The following ABCB4 variants were observed in gnomAD, a reference collection of about 807,000 sequenced individuals.
ABCB4 encodes phosphatidylcholine translocator ABCB4.
In ABCB4, 76 loss-of-function variants were observed where a neutral mutation model predicts 145.7. The ratio of observed to expected loss-of-function variants is 0.52; its 90% confidence interval spans 0.43 to 0.63. The LOEUF is 0.63. Among genes scored for constraint, ABCB4 ranks in the 30% least tolerant of loss-of-function variants. ABCB4 has a pLI of 0.00. For missense variants in ABCB4, 1,234 were observed against 1,553.1 expected, an observed-to-expected ratio of 0.79 and a Z score of 3.45; for synonymous variants, 517 against 566.8, an observed-to-expected ratio of 0.91 and a Z score of 1.25.
chr7:87,430,428 G>A (rs1167447034), intron 15 of ABCB4, among the ~76,000 whole-genome samples: 1 of 152,150 alleles, frequency 6.6e-6, no homozygotes, highest in Non-Finnish European at 1.5e-5. Context: ...CTGCAATGTT[G>A]CTCAAGTGAC....
intron 19 of ABCB4, 129 bp downstream of exon 19, chr7:87,419,869 T>G: frequency 1.0e-6 from 1 of 965,204 alleles, no homozygotes; most frequent in Non-Finnish European, 1.7e-6. Context: ...TTTGCAGGAC[T>G]CTGCCCCATC....
chr7:87,443,555 C>T, intron 11 of ABCB4, 108 bp downstream of exon 11: 1 of 1,542,008 alleles, frequency 6.5e-7, no homozygotes, highest in African/African-American at 1.4e-5. Context: ...GGAATATAAC[C>T]CCCAAAGGAA....
chr7:87,388,993 A>G, the ABCB4 span, among the ~76,000 whole-genome samples: 1 of 152,250 alleles, frequency 6.6e-6, no homozygotes, highest in African/African-American at 2.4e-5. Flanking sequence ...AAAAGAAGAC[A>G]TTTATGTGGC....
At chr7:87,399,957 A>G (rs1371921142), downstream of ABCB4, among the ~76,000 whole-genome samples, 2 of 152,174 alleles carry the variant, frequency 1.3e-5, no homozygotes, top group South Asian at 4.1e-4. Context: ...TTGTACAGCT[A>G]TAATCATCAG....
chr7:87,443,261 C>T, intron 12 of ABCB4, 58 bp downstream of exon 12: 1 of 1,611,796 alleles, frequency 6.2e-7, no homozygotes, highest in Non-Finnish European at 8.5e-7. Context: ...AAACCAATTT[C>T]AAAGGGCCAA....
the ABCB4 span, among the ~76,000 whole-genome samples, chr7:87,388,753 A>G: frequency 6.6e-6 from 1 of 152,226 alleles, no homozygotes; most frequent in African/African-American, 2.4e-5. Flanking sequence ...AATCAATGGC[A>G]ACAAAAGCCA....
At chr7:87,446,291 TAAA>T (rs1343279333) in intron 9 of ABCB4, among the ~76,000 whole-genome samples, 2 of 152,200 alleles carry the variant, frequency 1.3e-5, no homozygotes, top group Non-Finnish European at 2.9e-5. Flanking sequence ...GATTTCTATT[TAAA>T]TAGTTACATA....
rs758428251 is a variant in ABCB4 at position 87,411,922 on chromosome 7, A to C, written c.2895T>G (p.Asn965Lys). Residue 965 changes from asparagine to lysine, a missense_variant, in exon 23 of 28, where the codon AAT becomes AAG. Physicochemically the swap from Asn to Lys is moderately conservative, Grantham distance 94. Coordinates refer to ENST00000649586, the MANE Select transcript of ABCB4 (RefSeq NM_000443.4). ...CFRFGAYLIV[N>K]GHMRFRDVIL... ...TAACATCTCTGAAGCGCATATGTCCATTCACAATGAGATATGCACCAAATC... is the reference window on the plus strand; with the variant it reads ...TAACATCTCTGAAGCGCATATGTCCCTTCACAATGAGATATGCACCAAATC... The C allele has an allele frequency of 6.2e-7, 1 of 1,613,776 alleles. No homozygotes were observed. Among genetic ancestry groups the C allele is most frequent in the South Asian group, 1.1e-5 (1 of 91,076 alleles).
chr7:87,462,776 C>G lies in ABCB4; in HGVS notation c.268G>C (p.Gly90Arg). The G allele has an allele frequency of 6.2e-7, 1 of 1,613,886 alleles. No homozygotes were observed. The highest frequency in any genetic ancestry group is 8.5e-7 in the Non-Finnish European group (1 of 1,179,918). The change falls in exon 4 of 28, where the codon GGA becomes CGA. Residue 90 changes from glycine to arginine, a missense_variant. By Grantham distance (125) the Gly-to-Arg change is moderately radical. Coordinates refer to ENST00000649586, the MANE Select transcript of ABCB4 (RefSeq NM_000443.4). ...TGCTTACCTGGAAAGGAGAAGTTTCCTGCAGTATCAACAAATTTGTCAGTC... is the reference window on the plus strand; with the variant it reads ...TGCTTACCTGGAAAGGAGAAGTTTCGTGCAGTATCAACAAATTTGTCAGTC... ...EMTDKFVDTA[G>R]NFSFPVNFSL... is the part of the protein sequence containing the mutation.
intron 3 of ABCB4, among the ~76,000 whole-genome samples, chr7:87,464,895 C>T (rs537769636): frequency 2.2e-4 from 34 of 152,250 alleles, no homozygotes; most frequent in African/African-American, 7.5e-4. Flanking sequence ...CTTTCAGAGG[C>T]GGTTCCAAGA....
At chr7:87,391,569 CTTTTAA>C in the ABCB4 span, 4 of 1,582,608 alleles carry the variant, frequency 2.5e-6, no homozygotes, top group Non-Finnish European at 3.4e-6. Flanking sequence ...ATGATACACT[CTTTTAA>C]TTTTTTCTTG....
chr7:87,392,292 G>A, the ABCB4 span, among the ~76,000 whole-genome samples: 3 of 151,966 alleles, frequency 2.0e-5, no homozygotes, highest in South Asian at 2.1e-4. Flanking sequence ...TTGAAATATC[G>A]GTTGCTTTTA....
intron 4 of ABCB4, among the ~76,000 whole-genome samples, chr7:87,459,249 C>A (rs2116870448): frequency 6.6e-6 from 1 of 152,264 alleles, no homozygotes; most frequent in Admixed American, 6.5e-5. Flanking sequence ...ACCTCCAGAA[C>A]TTTTTCAACT....
chr7:87,466,716 C>T (rs987956562), intron 3 of ABCB4, among the ~76,000 whole-genome samples: 2 of 152,216 alleles, frequency 1.3e-5, no homozygotes, highest in Non-Finnish European at 2.9e-5. Context: ...AGAAACTCTA[C>T]AAGCCAGAAG....
At chr7:87,412,144 C>A in intron 22 of ABCB4, 111 bp from the exon 23 acceptor site, 9 of 1,093,628 alleles carry the variant, frequency 8.2e-6, no homozygotes, top group Non-Finnish European at 1.3e-5. Context: ...GTTCCACCTC[C>A]AGTTATATTA....
chr7:87,459,818 A>G (rs1812333265), intron 4 of ABCB4, among the ~76,000 whole-genome samples: 1 of 152,222 alleles, frequency 6.6e-6, no homozygotes, highest in Non-Finnish European at 1.5e-5. Flanking sequence ...GACACTTGAA[A>G]AGAGGTGCTA....
chr7:87,393,058 G>T, the ABCB4 span: 1 of 1,613,034 alleles, frequency 6.2e-7, no homozygotes, highest in African/African-American at 1.3e-5. Flanking sequence ...TACCATATCA[G>T]AGATGACAGG....
chr7:87,434,872 T>C (rs943460857), intron 14 of ABCB4, among the ~76,000 whole-genome samples: 1 of 152,260 alleles, frequency 6.6e-6, no homozygotes, highest in African/African-American at 2.4e-5. Flanking sequence ...GATTCAAATA[T>C]GAATCTTTTT....
At chr7:87,416,249 G>A (rs45505301) in intron 21 of ABCB4, among the ~76,000 whole-genome samples, 16,448 of 152,234 alleles carry the variant, frequency 0.11, 1,083 homozygotes, top group African/African-American at 0.18. Context: ...GACATAATTG[G>A]TTTAGTGGAA....
Sources: gnomAD v4.1 joint callset for allele counts (sites outside exome capture counted in the v4.1 genomes callset) on GRCh38, gnomAD v4.1.1 for gene constraint, MANE v1.5 for transcripts, NCBI Gene and HGNC (gene_info 2026-07-23, HGNC 2026-07-21) for gene names.